RAB3GAP1: variants seen among roughly 807,000 people sequenced by gnomAD.
RAB3GAP1 encodes RAB3 GTPase activating protein catalytic subunit 1.
Under a neutral mutation model 130.7 loss-of-function variants are expected in RAB3GAP1, and 86 were observed. The observed-to-expected ratio is 0.66, with a 90% CI of 0.55 to 0.79. RAB3GAP1 has a LOEUF of 0.79. Ranked by LOEUF, RAB3GAP1 falls within the 30% of genes least tolerant of loss-of-function variation. The pLI, the probability that RAB3GAP1 is intolerant of heterozygous loss-of-function variation, is 0.00. For missense variants in RAB3GAP1, 1,029 were observed against 1,169.4 expected (o/e 0.88, Z 1.75); for synonymous variants, 367 against 401.7 (o/e 0.91, Z 1.03).
At chr2:135,103,728 G>T (rs556264889) in intron 5 of RAB3GAP1, among the ~76,000 whole-genome samples, 43 of 152,194 alleles carry the variant, frequency 2.8e-4, no homozygotes, top group African/African-American at 1.0e-3. Context: ...CTTTGTTGGC[G>T]GGGGAGGGAA....
At chr2:135,078,462 A>G (rs536042551) in intron 3 of RAB3GAP1, among the ~76,000 whole-genome samples, 30 of 152,090 alleles carry the variant, frequency 2.0e-4, no homozygotes, top group Non-Finnish European at 3.4e-4. Flanking sequence ...AAACTGTCCC[A>G]TTGAATATGT....
intron 8 of RAB3GAP1, among the ~76,000 whole-genome samples, chr2:135,121,901 T>G (rs1182557981): frequency 6.6e-6 from 1 of 151,966 alleles, no homozygotes; most frequent in African/African-American, 2.4e-5. Context: ...ACGACCAACC[T>G]GGCCAACATG....
intron 5 of RAB3GAP1, among the ~76,000 whole-genome samples, chr2:135,107,158 A>G (rs891421565): frequency 2.0e-5 from 3 of 152,154 alleles, no homozygotes; most frequent in African/African-American, 4.8e-5. Flanking sequence ...CTATATTTCA[A>G]AAATAAAGAT....
At chr2:135,126,435 G>A (rs1691349670) in intron 10 of RAB3GAP1, 148 bp from the exon 11 acceptor site, 2 of 893,694 alleles carry the variant, frequency 2.2e-6, no homozygotes, top group South Asian at 1.5e-5. Context: ...TATCCAAATG[G>A]CTCCATGTAT....
Position 135,140,504 on chromosome 2 carries a change from A to G in RAB3GAP1, c.1923+4572A>G, listed in dbSNP as rs549264853. ...CGTGGCTATAATTTATTACAAGAAG[A>G]TCAGCAAAGAGAAAAGGCACATGGG... On this transcript the variant is annotated intron_variant, in intron 17 of 23. Coordinates refer to ENST00000264158, the MANE Select transcript of RAB3GAP1 (RefSeq NM_012233.3). Among the ~76,000 whole-genome samples the G allele has an allele frequency of 3.9e-5, 6 of 152,344 alleles. No homozygotes were observed. The South Asian group carries it at 8.3e-4, about 21-fold the overall frequency.
rs1040823327 is a variant in RAB3GAP1, at chr2:135,132,123, A to G, written c.1237-772A>G. Among the ~76,000 whole-genome samples the G allele has an allele frequency of 2.6e-5, 4 of 152,332 alleles. No homozygotes were observed. In the South Asian group the frequency reaches 6.2e-4, roughly 24 times the overall value. ...TAGTTCATCTAATTTTTAAAAGTCT[A>G]TTGGACATGTTCTATAATGTGTGGC... On this transcript the variant is annotated intron_variant, in intron 13 of 23. Transcript: ENST00000264158.
rs1043849584 is a variant in RAB3GAP1 at position 135,170,204 on chromosome 2, T to C, written c.*1423T>C. 10 of 151,916 alleles carry C rather than the reference T, an allele frequency of 6.6e-5. No individual in the cohort carries two copies. The highest frequency in any genetic ancestry group is 1.9e-4 in the African/African-American group (8 of 41,370). The allele number at this position is 151,916 out of a possible 1,614,324, so 9.4% of individuals were successfully genotyped here. A position where few individuals can be genotyped will look rare whatever the true frequency, so the allele number is the denominator to read the frequency against. On this transcript the variant is annotated 3_prime_UTR_variant, in exon 24 of 24. Coordinates refer to ENST00000264158, the MANE Select transcript of RAB3GAP1 (RefSeq NM_012233.3). Reference sequence around the variant, plus strand: ...GGTTCCTAAGGACAGAGTTTGTCTGTTTTCTAACAAAGAAAAATTCTACAA... The same window carrying C: ...GGTTCCTAAGGACAGAGTTTGTCTGCTTTCTAACAAAGAAAAATTCTACAA...
chr2:135,079,775 T>C (rs1408378206), intron 3 of RAB3GAP1, among the ~76,000 whole-genome samples: 1 of 152,244 alleles, frequency 6.6e-6, no homozygotes, highest in African/African-American at 2.4e-5. Context: ...TAAATCATTT[T>C]ACCACTTAAT....
chr2:135,108,719 T>C (rs983117574), intron 5 of RAB3GAP1, among the ~76,000 whole-genome samples: 2 of 152,206 alleles, frequency 1.3e-5, no homozygotes, highest in African/African-American at 4.8e-5. Flanking sequence ...CAGTTTGTTC[T>C]TTTCTGGATT....
Position 135,113,241 on chromosome 2 carries a change from T to C in RAB3GAP1, c.453T>C (p.Ser151=), listed in dbSNP as rs1448431056. 1.9e-6 allele frequency: 3 copies of C among 1,614,232 alleles called. No individual in the cohort carries two copies. The highest frequency in any genetic ancestry group is 2.2e-5 in the East Asian group (1 of 44,886). Reference sequence around the variant, plus strand: ...CTAAGTGCAACCTTCTTCTGAGTTCTGTTTCTATTGCCTTGGGAAACACTG... The same window carrying C: ...CTAAGTGCAACCTTCTTCTGAGTTCCGTTTCTATTGCCTTGGGAAACACTG... ...SESKCNLLLS[S]VSIALGNTGC... Residue 151 remains serine (S), a synonymous_variant, in exon 6 of 24, where the codon TCT becomes TCC. Coordinates refer to ENST00000264158, the MANE Select transcript of RAB3GAP1 (RefSeq NM_012233.3).
intron 18 of RAB3GAP1, among the ~76,000 whole-genome samples, chr2:135,151,882 A>G (rs1692185725): frequency 6.6e-6 from 1 of 152,200 alleles, no homozygotes; most frequent in Admixed American, 6.5e-5. Context: ...CATTCCAAAT[A>G]GGAACTACGG....
chr2:135,061,189 T>C (rs1378106032), intron 3 of RAB3GAP1, among the ~76,000 whole-genome samples: 1 of 152,180 alleles, frequency 6.6e-6, no homozygotes, highest in African/African-American at 2.4e-5. Flanking sequence ...ATCTGTTTTA[T>C]GAATATACAT....
chr2:135,164,788 C>A, intron 23 of RAB3GAP1, 92 bp downstream of exon 23: 1 of 937,132 alleles, frequency 1.1e-6, no homozygotes, highest in Non-Finnish European at 1.7e-6. Context: ...GCTGATCACA[C>A]TCATGTCACC....
intron 17 of RAB3GAP1, among the ~76,000 whole-genome samples, chr2:135,140,591 G>T (rs546415719): frequency 4.6e-5 from 7 of 152,342 alleles, no homozygotes; most frequent in South Asian, 2.1e-4. Context: ...TAGTTACACA[G>T]AGTGCACTTA....
chr2:135,082,586 G>A (rs927445464), intron 3 of RAB3GAP1, among the ~76,000 whole-genome samples: 5 of 151,804 alleles, frequency 3.3e-5, no homozygotes, highest in African/African-American at 1.2e-4. Flanking sequence ...GATTACAGGT[G>A]CCTGCCACCA....
intron 3 of RAB3GAP1, among the ~76,000 whole-genome samples, chr2:135,061,063 A>T (rs1029529239): frequency 2.8e-5 from 4 of 144,738 alleles, no homozygotes; most frequent in East Asian, 2.0e-4. Flanking sequence ...AGAACTTTAC[A>T]TTTAGGTGAC....
At chr2:135,059,356 C>T (rs1294462288) in intron 3 of RAB3GAP1, among the ~76,000 whole-genome samples, 1 of 152,024 alleles carries the variant, frequency 6.6e-6, no homozygotes, top group Non-Finnish European at 1.5e-5. Context: ...CTCTGATATT[C>T]TTTCATTCTT....
At chr2:135,082,260 G>A (rs2104861079) in intron 3 of RAB3GAP1, among the ~76,000 whole-genome samples, 1 of 152,120 alleles carries the variant, frequency 6.6e-6, no homozygotes, top group Non-Finnish European at 1.5e-5. Flanking sequence ...TATTGATAGA[G>A]TTGTCAACCA....
At chr2:135,090,959 A>G in intron 3 of RAB3GAP1, 39 bp from the exon 4 acceptor site, 2 of 1,564,592 alleles carry the variant, frequency 1.3e-6, no homozygotes, top group Non-Finnish European at 1.8e-6. Flanking sequence ...ATAGCTATTG[A>G]TTAAGGTAAA....
Sources: gnomAD v4.1 joint callset for allele counts (sites outside exome capture counted in the v4.1 genomes callset) on GRCh38, gnomAD v4.1.1 for gene constraint, MANE v1.5 for transcripts, NCBI Gene and HGNC (gene_info 2026-07-23, HGNC 2026-07-21) for gene names.